Variants in FER observed in about 807,000 individuals in gnomAD.
The protein encoded by FER is tyrosine-protein kinase Fer.
Under a neutral mutation model 111.0 loss-of-function variants are expected in FER, and 63 were observed. That is an observed-to-expected ratio of 0.57 (90% CI 0.46 to 0.70). The LOEUF (loss-of-function observed/expected upper bound fraction) is 0.70. FER is among the 30% of genes least tolerant of loss of function. The probability of loss-of-function intolerance (pLI) is 0.00; values close to 1 mark genes in which losing one functional copy is unlikely to be tolerated. For synonymous variants in FER, 327 were observed against 313.9 expected, an observed-to-expected ratio of 1.04 and a Z score of -0.44; for missense variants, 914 against 954.0, an observed-to-expected ratio of 0.96 and a Z score of 0.55.
At chr5:108,821,163 C>T (rs866781910) in intron 3 of FER, among the ~76,000 whole-genome samples, 3 of 152,124 alleles carry the variant, frequency 2.0e-5, no homozygotes, top group Admixed American at 1.3e-4. Flanking sequence ...GTTAGAAAGG[C>T]TTTAACCAAG....
intron 2 of FER, among the ~76,000 whole-genome samples, chr5:108,768,533 T>C (rs780775700): frequency 1.3e-5 from 2 of 152,204 alleles, no homozygotes; most frequent in African/African-American, 4.8e-5. Context: ...TTTTCAACCA[T>C]TTGGCACCAA....
At chr5:108,870,708 C>T (rs998937385) in intron 6 of FER, among the ~76,000 whole-genome samples, 5 of 152,128 alleles carry the variant, frequency 3.3e-5, no homozygotes, top group Admixed American at 2.0e-4. Flanking sequence ...TGTCTGTCTA[C>T]ACTTGCTGTT....
chr5:108,977,226 C>T (rs563490030), intron 13 of FER, among the ~76,000 whole-genome samples: 1 of 152,226 alleles, frequency 6.6e-6, no homozygotes, highest in East Asian at 1.9e-4. Flanking sequence ...TCATATTTTT[C>T]TGAGCTATAA....
intron 1 of FER, among the ~76,000 whole-genome samples, chr5:108,766,040 C>T (rs1752285076): frequency 6.6e-6 from 1 of 151,920 alleles, no homozygotes; most frequent in African/African-American, 2.4e-5. Context: ...GGTGATCCTC[C>T]CACCTTAGCC....
chr5:108,994,362 A>G (rs1763723063), intron 13 of FER, among the ~76,000 whole-genome samples: 1 of 152,244 alleles, frequency 6.6e-6, no homozygotes, highest in Non-Finnish European at 1.5e-5. Context: ...TTTATTAAAT[A>G]GGGAATCTTT....
intron 13 of FER, among the ~76,000 whole-genome samples, chr5:109,019,591 A>G (rs1767659125): frequency 6.6e-6 from 1 of 151,832 alleles, no homozygotes; most frequent in South Asian, 2.1e-4. Context: ...TTCCTATGCC[A>G]GGCCTACTGA....
At chr5:109,023,986 T>A (rs1768305192) in intron 13 of FER, among the ~76,000 whole-genome samples, 1 of 152,170 alleles carries the variant, frequency 6.6e-6, no homozygotes, top group African/African-American at 2.4e-5. Flanking sequence ...TTTATTAAGA[T>A]CTCATTTAAT....
At chr5:109,187,368 C>T (rs1758997425) in intron 19 of FER, 65 bp from the exon 20 acceptor site, 3 of 1,531,806 alleles carry the variant, frequency 2.0e-6, no homozygotes, top group Admixed American at 1.9e-5. Context: ...TGCATAATGC[C>T]CTGTGTGAAC....
intron 17 of FER, among the ~76,000 whole-genome samples, chr5:109,150,267 C>T (rs562130439): frequency 3.3e-5 from 5 of 152,158 alleles, no homozygotes; most frequent in Non-Finnish European, 7.4e-5. Context: ...TCTAAGTCAT[C>T]GCTTCCTTCC....
intron 2 of FER, among the ~76,000 whole-genome samples, chr5:108,789,859 T>C (rs1755151353): frequency 6.6e-6 from 1 of 152,036 alleles, no homozygotes; most frequent in Admixed American, 6.6e-5. Flanking sequence ...TGCCTCAGCC[T>C]CCCAAAATGC....
intron 10 of FER, among the ~76,000 whole-genome samples, chr5:108,944,962 C>T (rs926699687): frequency 5.3e-5 from 8 of 152,128 alleles, no homozygotes; most frequent in Admixed American, 1.3e-4. Flanking sequence ...TGGACCTCTC[C>T]ATTAGATAAT....
intron 16 of FER, among the ~76,000 whole-genome samples, chr5:109,055,539 C>A (rs1773504953): frequency 6.6e-6 from 1 of 152,014 alleles, no homozygotes; most frequent in African/African-American, 2.4e-5. Flanking sequence ...GTAATCCCAG[C>A]ACTTTGGGAG....
chr5:109,151,811 T>G (rs1326862076), intron 17 of FER, among the ~76,000 whole-genome samples: 1 of 152,082 alleles, frequency 6.6e-6, no homozygotes, highest in African/African-American at 2.4e-5. Flanking sequence ...TACAGACAAG[T>G]TATGTGACAA....
chr5:108,803,099 C>T (rs540670204), intron 3 of FER, among the ~76,000 whole-genome samples: 18 of 152,020 alleles, frequency 1.2e-4, no homozygotes, highest in African/African-American at 3.1e-4. Context: ...TAATTAATGA[C>T]GTTGAGCATT....
intron 10 of FER, among the ~76,000 whole-genome samples, chr5:108,934,356 A>G (rs984907882): frequency 3.3e-5 from 5 of 152,198 alleles, no homozygotes; most frequent in Admixed American, 2.0e-4. Flanking sequence ...GGTTCCTTCT[A>G]CCACTGATTG....
chr5:108,987,538 T>C (rs11749380), intron 13 of FER, among the ~76,000 whole-genome samples: 13,928 of 152,300 alleles, frequency 0.091, 863 homozygotes, highest in Non-Finnish European at 0.13. Context: ...TATTTTATTT[T>C]ATTTTATTTG....
chr5:108,893,371 A>G lies in FER; in HGVS notation c.1047-4288A>G, dbSNP rs1324625024. Among the ~76,000 whole-genome samples, 6 of 151,952 alleles carry G rather than the reference A, an allele frequency of 3.9e-5. No individual in the cohort carries two copies. In the South Asian group the frequency reaches 1.2e-3, roughly 31 times the overall value. ...TATGTTAACTCTTTTCTGCTGAGGCAGTACATTCTATTAATCCTAGATCTC... is the reference window on the plus strand; with the variant it reads ...TATGTTAACTCTTTTCTGCTGAGGCGGTACATTCTATTAATCCTAGATCTC... On this transcript the variant is annotated intron_variant, in intron 9 of 19. Transcript: ENST00000281092.
chr5:108,902,263 A>G (rs896296550), intron 10 of FER, among the ~76,000 whole-genome samples: 2 of 152,186 alleles, frequency 1.3e-5, no homozygotes, highest in African/African-American at 4.8e-5. Context: ...ACAAAAGGAG[A>G]AGTACAATGA....
At chr5:108,969,497 GAA>G (rs1413517605) in intron 13 of FER, among the ~76,000 whole-genome samples, 2 of 152,026 alleles carry the variant, frequency 1.3e-5, no homozygotes, top group African/African-American at 4.8e-5. Flanking sequence ...ATGTGATAAA[GAA>G]ACTTAAAAAT....
Sources: allele counts gnomAD v4.1 joint callset (sites outside exome capture counted in the v4.1 genomes callset), GRCh38; gene constraint gnomAD v4.1.1; transcripts MANE v1.5; gene names NCBI Gene and HGNC (gene_info 2026-07-23, HGNC 2026-07-21).